Variants in KATNBL1 observed in about 807,000 individuals in gnomAD.
KATNBL1 encodes katanin regulatory subunit B1 like 1.
KATNBL1 carries 28 observed loss-of-function variants against 44.7 expected under a neutral mutation model. The observed-to-expected ratio is 0.63, with a 90% confidence interval of 0.46 to 0.86. KATNBL1 has a LOEUF of 0.86. KATNBL1 is among the 40% of genes least tolerant of loss of function. The probability of loss-of-function intolerance (pLI) is 0.00; values close to 1 mark genes in which losing one functional copy is unlikely to be tolerated. For missense variants in KATNBL1, 272 were observed against 350.7 expected, an observed-to-expected ratio of 0.78 and a Z score of 1.79; for synonymous variants, 78 against 114.9, an observed-to-expected ratio of 0.68 and a Z score of 2.06.
In KATNBL1 at chr15:34,178,533, A is replaced by G. The variant is rs529437989; in HGVS notation, c.-14-14843T>C. Among the ~76,000 whole-genome samples the G allele has an allele frequency of 9.9e-5, 15 of 152,266 alleles. No homozygotes were observed. In the South Asian group the frequency reaches 1.5e-3, roughly 15 times the overall value. ...AGCACTTTGGGAGGCCAAGGAGGGC[A>G]GATCACGAGGTCAGGAGATCGAGAC... On this transcript the variant is annotated intron_variant, in intron 1 of 9. Coordinates refer to ENST00000256544, the MANE Select transcript of KATNBL1 (RefSeq NM_024713.3).
chr15:34,177,047 ATT>A (rs56954434), intron 1 of KATNBL1, among the ~76,000 whole-genome samples: 147,719 of 152,162 alleles, frequency 0.97, 71,848 homozygotes, highest in East Asian at 1. Context: ...GGCAATTATC[ATT>A]GCCTTTTAAT....
chr15:34,151,316 T>C (rs543369861), intron 4 of KATNBL1, among the ~76,000 whole-genome samples: 55 of 152,278 alleles, frequency 3.6e-4, no homozygotes, highest in African/African-American at 1.3e-3. Context: ...GTGGTTTTGA[T>C]TTGCATTTCT....
chr15:34,143,793 C>CAAAAAAAAAA (rs560420668), intron 9 of KATNBL1, among the ~76,000 whole-genome samples: 19 of 64,142 alleles, frequency 3.0e-4, no homozygotes, highest in African/African-American at 5.5e-4. Flanking sequence ...ACTAAAAATA[C>CAAAAAAAAAA]AAAAAAAAAA....
chr15:34,202,891 T>A (rs1031438993), intron 1 of KATNBL1, among the ~76,000 whole-genome samples: 2 of 152,090 alleles, frequency 1.3e-5, no homozygotes, highest in Admixed American at 6.6e-5. Flanking sequence ...CTGGGGAGGC[T>A]GAGGCAGAAG....
intron 8 of KATNBL1, 193 bp from the exon 9 acceptor site, chr15:34,145,684 A>C: frequency 2.8e-6 from 1 of 359,186 alleles, no homozygotes; most frequent in Middle Eastern, 6.4e-4. Flanking sequence ...TTAGAATAAT[A>C]CATGTCAGTC....
intron 2 of KATNBL1, among the ~76,000 whole-genome samples, chr15:34,155,295 T>G (rs2140914578): frequency 6.6e-6 from 1 of 152,282 alleles, no homozygotes; most frequent in Admixed American, 6.5e-5. Context: ...GGCATAGCTG[T>G]TCTGCTTGGT....
intron 1 of KATNBL1, among the ~76,000 whole-genome samples, chr15:34,195,672 C>CAG (rs1000658478): frequency 2.9e-5 from 4 of 138,038 alleles, no homozygotes; most frequent in Admixed American, 7.2e-5. Context: ...GCCTGGGCAA[C>CAG]AGAGAGAGAC....
intron 1 of KATNBL1, among the ~76,000 whole-genome samples, chr15:34,198,886 A>G (rs549184012): frequency 6.6e-6 from 1 of 152,358 alleles, no homozygotes; most frequent in South Asian, 2.1e-4. Flanking sequence ...AGGTACAGCA[A>G]TGATACATTC....
chr15:34,178,573 C>T (rs566713832), intron 1 of KATNBL1, among the ~76,000 whole-genome samples: 14 of 152,032 alleles, frequency 9.2e-5, no homozygotes, highest in South Asian at 8.3e-4. Flanking sequence ...CTGGCTAACC[C>T]GGTGAAACCC....
rs777465038 is a variant in KATNBL1 at position 34,153,010 on chromosome 15, T to C, written c.218A>G (p.Lys73Arg). The change falls in exon 4 of 10, where the codon AAG (lysine) becomes AGG (arginine). Residue 73 changes from lysine to arginine, a missense_variant. By Grantham distance (26) the Lys-to-Arg change is conservative. This residue lies in a region of KATNBL1 where 122 missense variants were observed against 125.0 expected (regional missense o/e 0.98). Coordinates refer to ENST00000256544, the MANE Select transcript of KATNBL1 (RefSeq NM_024713.3). ...ATTTGGAAAGGGATGATGAACTTTC[T>C]TTCTGCGATAGATCACTTTACGAAG... The part of the protein sequence containing the change: ...DKLRKVIYRR[K>R]KVHHPFPNPC... 1.3e-5 allele frequency: 21 copies of C among 1,613,498 alleles called. No individual in the cohort carries two copies. The highest frequency in any genetic ancestry group is 4.0e-5 in the African/African-American group (3 of 74,950).
At chr15:34,171,136 G>A (rs191167531) in intron 1 of KATNBL1, among the ~76,000 whole-genome samples, 10 of 152,296 alleles carry the variant, frequency 6.6e-5, no homozygotes, top group Admixed American at 2.6e-4. Flanking sequence ...ACTACCATCA[G>A]AGTGAACAGG....
At chr15:34,175,807 G>A (rs1260161293) in intron 1 of KATNBL1, among the ~76,000 whole-genome samples, 2 of 151,796 alleles carry the variant, frequency 1.3e-5, no homozygotes, top group Admixed American at 1.3e-4. Flanking sequence ...GGAGGTTGCA[G>A]TGAGCCCAGA....
At chr15:34,200,346 G>A (rs1450882777) in intron 1 of KATNBL1, among the ~76,000 whole-genome samples, 4 of 151,098 alleles carry the variant, frequency 2.6e-5, no homozygotes, top group African/African-American at 4.9e-5. Context: ...TTCGCCTCCC[G>A]CATTCAAGAG....
At chr15:34,164,872 C>T (rs959101304) in intron 1 of KATNBL1, among the ~76,000 whole-genome samples, 1 of 152,204 alleles carries the variant, frequency 6.6e-6, no homozygotes, top group Non-Finnish European at 1.5e-5. Context: ...CAGTATAATA[C>T]TGTCTCTCTC....
intron 9 of KATNBL1, among the ~76,000 whole-genome samples, chr15:34,144,790 C>T (rs1431471729): frequency 6.6e-6 from 1 of 152,190 alleles, no homozygotes; most frequent in Non-Finnish European, 1.5e-5. Context: ...TGGTCTCGAA[C>T]TCCTGACCTC....
At position 34,154,633 on chromosome 15, in the gene KATNBL1, G is replaced by T. The variant is rs776769608; in HGVS notation, c.158+11C>A. ...TTTGTTGTTCCCCACAAACTTTAAA[G>T]AAACTCTTACCTATTTATGTAAGCA... On this transcript the variant is annotated intron_variant, in intron 3 of 9. Coordinates refer to ENST00000256544, the MANE Select transcript of KATNBL1 (RefSeq NM_024713.3). 21 of 1,550,802 alleles carry T rather than the reference G, an allele frequency of 1.4e-5. No individual in the cohort carries two copies. The East Asian group carries it at 4.0e-4, about 30-fold the overall frequency.
At chr15:34,151,839 C>T (rs1888488528) in intron 4 of KATNBL1, among the ~76,000 whole-genome samples, 1 of 152,004 alleles carries the variant, frequency 6.6e-6, no homozygotes, top group South Asian at 2.1e-4. Context: ...TTGCTTGAGC[C>T]AGAAGAGCAG....
At chr15:34,199,688 T>C (rs1595366246) in intron 1 of KATNBL1, 1 of 152,244 alleles carries the variant, frequency 6.6e-6, no homozygotes, top group African/African-American at 2.4e-5. Context: ...CCTTCCGATG[T>C]GTCCGGAGTT....
chr15:34,146,978 T>G, intron 7 of KATNBL1, 128 bp from the exon 8 acceptor site: 1 of 671,174 alleles, frequency 1.5e-6, no homozygotes, highest in Non-Finnish European at 2.6e-6. Flanking sequence ...AATTGTTACC[T>G]TCATGATCTA....
Sources: gnomAD v4.1 joint callset for allele counts (sites outside exome capture counted in the v4.1 genomes callset) on GRCh38, gnomAD v4.1.1 for gene constraint, gnomAD v4.1.1 regional missense constraint, MANE v1.5 for transcripts, NCBI Gene and HGNC (gene_info 2026-07-23, HGNC 2026-07-21) for gene names.